Variants in PRKD1 observed in about 807,000 individuals in gnomAD.
The protein encoded by PRKD1 is serine/threonine-protein kinase D1.
Under a neutral mutation model 95.9 loss-of-function variants are expected in PRKD1, and 63 were observed. That is an observed-to-expected ratio of 0.66 (90% CI 0.54 to 0.81). PRKD1 has a LOEUF of 0.81. Among genes scored for constraint, PRKD1 ranks in the 30% least tolerant of loss-of-function variants. The pLI is 0.00. For synonymous variants in PRKD1, 425 were observed against 423.1 expected (o/e 1.00, Z -0.05); for missense variants, 1,048 against 1,165.3 (o/e 0.90, Z 1.47).
intron 1 of PRKD1, among the ~76,000 whole-genome samples, chr14:29,808,869 C>A (rs546599225): frequency 3.3e-4 from 50 of 152,302 alleles, no homozygotes; most frequent in African/African-American, 1.1e-3. Flanking sequence ...TTCTTAATGG[C>A]ATTTAGAATG....
chr14:29,688,413 CTT>C (rs544987957), intron 2 of PRKD1, among the ~76,000 whole-genome samples: 24 of 151,996 alleles, frequency 1.6e-4, no homozygotes, highest in Non-Finnish European at 3.5e-4. Context: ...CACTGCACAA[CTT>C]TATGAGGTAG....
chr14:29,883,824 T>C (rs1248714193), intron 1 of PRKD1, among the ~76,000 whole-genome samples: 1 of 152,164 alleles, frequency 6.6e-6, no homozygotes, highest in African/African-American at 2.4e-5. Flanking sequence ...CAAGTCACAA[T>C]TATGAAAACT....
At chr14:29,619,319 C>T (rs1879086757) in intron 13 of PRKD1, among the ~76,000 whole-genome samples, 1 of 152,086 alleles carries the variant, frequency 6.6e-6, no homozygotes, top group Non-Finnish European at 1.5e-5. Flanking sequence ...AGAGCAAACA[C>T]ACATAATCCT....
chr14:29,870,282 G>A (rs1893056379), intron 1 of PRKD1, among the ~76,000 whole-genome samples: 1 of 152,052 alleles, frequency 6.6e-6, no homozygotes, highest in East Asian at 1.9e-4. Context: ...GTTTTTGTTT[G>A]CAAACTGTCA....
chr14:29,868,379 T>C (rs1356542519), intron 1 of PRKD1, among the ~76,000 whole-genome samples: 1 of 152,206 alleles, frequency 6.6e-6, no homozygotes, highest in African/African-American at 2.4e-5. Context: ...AAAAGATGTC[T>C]CTTCTGAAAT....
chr14:29,927,516 T>C lies in PRKD1; in HGVS notation c.-4A>G. On this transcript the variant is annotated 5_prime_UTR_variant, in exon 1 of 18. Transcript: ENST00000331968. ...GCAGGACCGGAGGGGCGCTCATCGC[T>C]CGGCGGGGCGCAGGGCCGGGCAGCG... 1.7e-6 allele frequency: 2 copies of C among 1,173,540 alleles called. No homozygotes were observed. Among genetic ancestry groups the C allele is most frequent in the Non-Finnish European group, 2.1e-6 (2 of 954,270 alleles). 72.7% of individuals were successfully genotyped at this position (1,173,540 alleles called of 1,614,324 possible).
chr14:29,760,466 C>T (rs2139485630), intron 1 of PRKD1, among the ~76,000 whole-genome samples: 1 of 151,814 alleles, frequency 6.6e-6, no homozygotes, highest in Non-Finnish European at 1.5e-5. Flanking sequence ...AGCGATTCTC[C>T]CGCCTCAGCC....
At chr14:29,797,522 A>G (rs572322095) in intron 1 of PRKD1, among the ~76,000 whole-genome samples, 1 of 152,336 alleles carries the variant, frequency 6.6e-6, no homozygotes, top group South Asian at 2.1e-4. Flanking sequence ...CCAGACCCTT[A>G]CACCAAACCA....
At chr14:29,764,658 A>G (rs1888176686) in intron 1 of PRKD1, among the ~76,000 whole-genome samples, 1 of 152,172 alleles carries the variant, frequency 6.6e-6, no homozygotes, top group South Asian at 2.1e-4. Context: ...ATGCCCTTTT[A>G]TAAAGGCACA....
chr14:29,687,237 C>T (rs1171650352), intron 2 of PRKD1, among the ~76,000 whole-genome samples: 4 of 152,110 alleles, frequency 2.6e-5, no homozygotes, highest in African/African-American at 7.2e-5. Flanking sequence ...AACGTGCTTG[C>T]GGTAATCTCT....
chr14:29,636,612 T>A, intron 6 of PRKD1, 118 bp from the exon 7 acceptor site: 1 of 970,096 alleles, frequency 1.0e-6, no homozygotes. Flanking sequence ...AGTTCTGTGA[T>A]GAGTTTATTT....
chr14:29,743,792 A>C (rs1393956375), intron 1 of PRKD1, among the ~76,000 whole-genome samples: 1 of 152,132 alleles, frequency 6.6e-6, no homozygotes, highest in African/African-American at 2.4e-5. Flanking sequence ...GCCAGCTTCT[A>C]TGGGTAATTC....
chr14:29,690,911 T>C (rs533276602), intron 2 of PRKD1, among the ~76,000 whole-genome samples: 34 of 152,262 alleles, frequency 2.2e-4, no homozygotes, highest in Non-Finnish European at 1.9e-4. Context: ...CCTTTTCTCT[T>C]CCGTGTAGAT....
intron 1 of PRKD1, among the ~76,000 whole-genome samples, chr14:29,738,893 G>T (rs893720069): frequency 6.7e-6 from 1 of 149,180 alleles, no homozygotes; most frequent in African/African-American, 2.5e-5. Flanking sequence ...CAGTGATGCC[G>T]CAATCTTGGC....
At chr14:29,819,691 AAAAAT>A (rs1042548626) in intron 1 of PRKD1, among the ~76,000 whole-genome samples, 1 of 152,114 alleles carries the variant, frequency 6.6e-6, no homozygotes, top group Non-Finnish European at 1.5e-5. Context: ...CTCCGTCTCA[AAAAAT>A]AAAATAAAAT....
intron 1 of PRKD1, among the ~76,000 whole-genome samples, chr14:29,832,873 C>A (rs780945624): frequency 6.6e-6 from 1 of 151,964 alleles, no homozygotes; most frequent in Admixed American, 6.6e-5. Flanking sequence ...TTATTAATGG[C>A]CCCATTTGTG....
intron 1 of PRKD1, among the ~76,000 whole-genome samples, chr14:29,782,624 A>C (rs1889098706): frequency 6.6e-6 from 1 of 152,030 alleles, no homozygotes; most frequent in South Asian, 2.1e-4. Context: ...TCCACCTCCC[A>C]GGCTCAAGAG....
At chr14:29,669,634 A>T (rs1194454276) in intron 2 of PRKD1, among the ~76,000 whole-genome samples, 1 of 152,196 alleles carries the variant, frequency 6.6e-6, no homozygotes, top group Non-Finnish European at 1.5e-5. Context: ...TTGGGAGGCC[A>T]AGGCAGGTGG....
At chr14:29,919,972 G>A (rs1453693703) in intron 1 of PRKD1, among the ~76,000 whole-genome samples, 1 of 149,690 alleles carries the variant, frequency 6.7e-6, no homozygotes, top group Non-Finnish European at 1.5e-5. Flanking sequence ...GAGAAAGAGA[G>A]AGAGAGAGAG....
Sources: allele counts gnomAD v4.1 joint callset (sites outside exome capture counted in the v4.1 genomes callset), GRCh38; gene constraint gnomAD v4.1.1; transcripts MANE v1.5; gene names NCBI Gene and HGNC (gene_info 2026-07-23, HGNC 2026-07-21).